GSTM4: variants seen among roughly 807,000 people sequenced by gnomAD.
The protein encoded by GSTM4 is glutathione S-transferase mu 4.
Under a neutral mutation model 30.1 loss-of-function variants are expected in GSTM4, and 27 were observed. That is an observed-to-expected ratio of 0.90 (90% CI 0.66 to 1.24). The LOEUF (loss-of-function observed/expected upper bound fraction) is 1.24. Ranked by LOEUF, GSTM4 falls within the 50% of genes most tolerant of loss-of-function variation. The probability of loss-of-function intolerance (pLI) is 0.00; values close to 1 mark genes in which losing one functional copy is unlikely to be tolerated. For synonymous variants in GSTM4, 94 were observed against 96.2 expected (o/e 0.98, Z 0.13); for missense variants, 238 against 272.1 (o/e 0.87, Z 0.88).
At chr1:109,667,479 C>T (rs1647369838), downstream of GSTM4, among the ~76,000 whole-genome samples, 1 of 152,118 alleles carries the variant, frequency 6.6e-6, no homozygotes, top group Non-Finnish European at 1.5e-5. Flanking sequence ...TCCCACCCAG[C>T]AAGCTCCCTA....
downstream of GSTM4, among the ~76,000 whole-genome samples, chr1:109,667,454 C>T (rs1008296647): frequency 5.3e-5 from 8 of 152,234 alleles, no homozygotes; most frequent in South Asian, 1.7e-3. Context: ...CTGCTCCCCA[C>T]CTTTCTGTCT....
intron 2 of GSTM4, 163 bp downstream of exon 2, chr1:109,656,950 GA>G (rs1444751318): frequency 1.2e-6 from 1 of 845,650 alleles, no homozygotes; most frequent in Admixed American, 1.9e-5. Flanking sequence ...TTGCAAGGCA[GA>G]ATGCTGGGGC....
At chr1:109,665,404 C>T (rs774340596), downstream of GSTM4, 15 of 258,022 alleles carry the variant, frequency 5.8e-5, no homozygotes, top group Non-Finnish European at 9.7e-5. Context: ...ATCCTGCAGT[C>T]GGCAGATCAT....
At chr1:109,657,562 G>A in intron 3 of GSTM4, 28 bp from the exon 4 acceptor site, 1 of 1,614,230 alleles carries the variant, frequency 6.2e-7, no homozygotes, top group Non-Finnish European at 8.5e-7. Context: ...TGGCCCAACT[G>A]AGCTTCCCCG....
chr1:109,656,807 C>T lies in GSTM4; in HGVS notation c.112+20C>T, dbSNP rs749271935. On this transcript the variant is annotated intron_variant, in intron 2 of 7. Coordinates refer to ENST00000369836, the MANE Select transcript of GSTM4 (RefSeq NM_000850.5). ...GGGACGGTAATGACACCCTTGTGTC[C>T]GGGCTCTGCCCACTCACGCTGAGTT... 9 of 1,609,434 alleles carry T rather than the reference C, an allele frequency of 5.6e-6. No homozygotes were observed. The highest frequency in any genetic ancestry group is 6.8e-6 in the Non-Finnish European group (8 of 1,175,726).
chr1:109,659,251 A>G, intron 7 of GSTM4, 141 bp downstream of exon 7: 1 of 1,610,126 alleles, frequency 6.2e-7, no homozygotes, highest in Non-Finnish European at 8.5e-7. Context: ...TGCCCAGCAC[A>G]TTATACCTAT....
chr1:109,665,028 G>T, downstream of GSTM4: 1 of 1,588,800 alleles, frequency 6.3e-7, no homozygotes. Flanking sequence ...GTGGCATAAT[G>T]TGATGGTCAA....
At chr1:109,665,973 C>T (rs950694925), downstream of GSTM4, among the ~76,000 whole-genome samples, 1 of 152,184 alleles carries the variant, frequency 6.6e-6, no homozygotes, top group African/African-American at 2.4e-5. Context: ...CTTTTGGCCA[C>T]CCCTAATGGG....
intron 5 of GSTM4, chr1:109,658,151 A>G: frequency 2.2e-6 from 1 of 459,506 alleles, no homozygotes; most frequent in Non-Finnish European, 4.0e-6. Context: ...GCCACGGGCC[A>G]TCTAACCCAG....
rs771786439 is a variant in GSTM4 at position 109,656,387 on chromosome 1, A to T, written c.-3A>T. ...GTCTGCAGAATCGACACCAACCAGC[A>T]TCATGTCCATGACACTGGGGTACTG... On this transcript the variant is annotated 5_prime_UTR_variant, in exon 1 of 8. Coordinates refer to ENST00000369836, the MANE Select transcript of GSTM4 (RefSeq NM_000850.5). 1.2e-6 allele frequency: 2 copies of T among 1,613,222 alleles called. No homozygotes were observed. Among genetic ancestry groups the T allele is most frequent in the Admixed American group, 3.3e-5 (2 of 60,022 alleles).
chr1:109,666,443 G>T (rs893675448), downstream of GSTM4, among the ~76,000 whole-genome samples: 1 of 152,218 alleles, frequency 6.6e-6, no homozygotes, highest in African/African-American at 2.4e-5. Flanking sequence ...GGGTAGGCCT[G>T]CTGTCTGACT....
At chr1:109,665,022 C>T, downstream of GSTM4, 1 of 1,600,544 alleles carries the variant, frequency 6.2e-7, no homozygotes, top group Non-Finnish European at 8.6e-7. Flanking sequence ...TTTCCTGTGG[C>T]ATAATGTGAT....
Position 109,661,497 on chromosome 1 carries a change from C to A in GSTM4, c.*243C>A. The stretch of plus-strand genomic sequence containing the variant: ...ATGAACATCCCCCTCCCAACACTAC[C>A]CTTCCCTGCACTAAAGCCAGCCTGA... On this transcript the variant is annotated 3_prime_UTR_variant, in exon 8 of 8. Transcript: ENST00000369836. 1 of 1,375,180 alleles carries A rather than the reference C, an allele frequency of 7.3e-7. No homozygotes were observed. The highest frequency in any genetic ancestry group is 9.4e-7 in the Non-Finnish European group (1 of 1,058,916). The allele number at this position is 1,375,180 out of a possible 1,614,324, so 85.2% of individuals were successfully genotyped here. A position where few individuals can be genotyped will look rare whatever the true frequency, so the allele number is the denominator to read the frequency against.
Position 109,661,195 on chromosome 1 carries a change from T to G in GSTM4, c.598T>G (p.Ser200Ala), listed in dbSNP as rs1268616397. ...GGAGAAGATCTCTGCCTACATGAAG[T>G]CCAGCCGCTTCCTCCCAAAACCTCT... ...GLEKISAYMK[S>A]SRFLPKPLYT... Residue 200 changes from serine to alanine, a missense_variant, in exon 8 of 8, where the codon TCC becomes GCC. Ser to Ala is a moderately conservative substitution (Grantham distance 99). Coordinates refer to ENST00000369836, the MANE Select transcript of GSTM4 (RefSeq NM_000850.5). The G allele has an allele frequency of 6.2e-7, 1 of 1,611,578 alleles. No homozygotes were observed. The highest frequency in any genetic ancestry group is 8.5e-7 in the Non-Finnish European group (1 of 1,179,558).
chr1:109,665,215 G>A (rs1647277468), downstream of GSTM4: 1 of 640,726 alleles, frequency 1.6e-6, no homozygotes, highest in Non-Finnish European at 2.8e-6. Context: ...GAAAAAGACA[G>A]GAAGGGTGAA....
In GSTM4 at chr1:109,656,383, C is replaced by G. The variant is rs200391486; in HGVS notation, c.-7C>G. On this transcript the variant is annotated 5_prime_UTR_variant, in exon 1 of 8. Coordinates refer to ENST00000369836, the MANE Select transcript of GSTM4 (RefSeq NM_000850.5). ...GCCTGTCTGCAGAATCGACACCAAC[C>G]AGCATCATGTCCATGACACTGGGGT... The G allele has an allele frequency of 1.7e-5, 27 of 1,613,840 alleles. No individual in the cohort carries two copies. In the East Asian group the frequency reaches 6.0e-4, roughly 36 times the overall value.
chr1:109,656,603 T>TG (rs140231844), intron 1 of GSTM4, 109 bp from the exon 2 acceptor site: 29,798 of 496,086 alleles, frequency 0.06, 71 homozygotes, highest in South Asian at 0.15. Context: ...TGCGCCGGGG[T>TG]GGGGGGGGGG....
rs776071597 is a variant in GSTM4 at position 109,657,775 on chromosome 1, G to C, written c.263G>C (p.Gly88Ala). 6 of 1,614,220 alleles carry C rather than the reference G, an allele frequency of 3.7e-6. No homozygotes were observed. The South Asian group carries it at 5.5e-5, about 15-fold the overall frequency. ...GTCTGTGTTTTGTGGGTGGCAGGTG[G>C]GGAGACAGAAGAGGAGAAGATTCGT... Reference protein sequence around the residue: ...CYIARKHNLCGETEEEKIRVD... With the variant: ...CYIARKHNLCAETEEEKIRVD... Residue 88 changes from glycine to alanine, a missense_variant, in exon 5 of 8, where the codon GGG (glycine) becomes GCG (alanine). By Grantham distance (60) the Gly-to-Ala change is moderately conservative. Transcript: ENST00000369836.
downstream of GSTM4, among the ~76,000 whole-genome samples, chr1:109,664,379 A>ATTTTTTTTTTTTTTTTTT (rs1557955679): frequency 6.6e-5 from 1 of 15,116 alleles, no homozygotes; most frequent in Non-Finnish European, 1.5e-4. Context: ...TTTTTTTTTG[A>ATTTTTTTTTTTTTTTTTT]TGTGGAGTCT....
Sources: allele counts gnomAD v4.1 joint callset (sites outside exome capture counted in the v4.1 genomes callset), GRCh38; gene constraint gnomAD v4.1.1; transcripts MANE v1.5; gene names NCBI Gene and HGNC (gene_info 2026-07-23, HGNC 2026-07-21).